FGF13: variants seen among roughly 807,000 people sequenced by gnomAD.
FGF13 encodes the protein fibroblast growth factor 13.
FGF13 carries 2 observed loss-of-function variants against 19.5 expected under a neutral mutation model. That is an observed-to-expected ratio of 0.10 (90% CI 0.04 to 0.32). FGF13 has a LOEUF of 0.32. FGF13 is among the 10% of genes least tolerant of loss of function. The pLI is 1.00. For missense variants in FGF13, 113 were observed against 192.7 expected (o/e 0.59, Z 2.45); for synonymous variants, 72 against 76.9 (o/e 0.94, Z 0.33).
chrX:138,999,852 C>T lies in FGF13; in HGVS notation c.-112-135202G>A, dbSNP rs192507278. Among the ~76,000 whole-genome samples the T allele has an allele frequency of 9.4e-3, 1,054 of 111,877 alleles. 4 individuals carry two copies. The highest frequency in any genetic ancestry group is 0.014 in the Middle Eastern group (3 of 216). ...CTCATTTTATGAGGCCAGCATGATCCTGATAACAAAACCTGGCAGAGACAC... is the reference window on the plus strand; with the variant it reads ...CTCATTTTATGAGGCCAGCATGATCTTGATAACAAAACCTGGCAGAGACAC... On this transcript the variant is annotated intron_variant, in intron 1 of 2. Transcript: ENST00000421460.
chrX:138,769,798 T>C (rs1301528725), intron 3 of FGF13, among the ~76,000 whole-genome samples: 1 of 112,518 alleles, frequency 8.9e-6, no homozygotes, highest in Admixed American at 9.4e-5. Flanking sequence ...CCACCTTGTG[T>C]CCGGCCTCTC....
chrX:139,176,873 G>A (rs1417124554), intron 1 of FGF13, among the ~76,000 whole-genome samples: 1 of 111,659 alleles, frequency 9.0e-6, no homozygotes, highest in East Asian at 2.8e-4. Flanking sequence ...TTGCTTTGAA[G>A]AATATATCTT....
chrX:139,080,005 CAT>C (rs764858827), intron 1 of FGF13, among the ~76,000 whole-genome samples: 17 of 109,821 alleles, frequency 1.5e-4, no homozygotes, highest in African/African-American at 5.3e-4. Context: ...TCATCATCAT[CAT>C]CATCATCAAA....
Position 138,953,897 on chromosome X carries a change from T to A in FGF13, c.-112-89247A>T, listed in dbSNP as rs575079315. Among the ~76,000 whole-genome samples, 35 of 109,329 alleles carry A rather than the reference T, an allele frequency of 3.2e-4. 2 individuals are homozygous for A. The South Asian group carries it at 0.011, about 33-fold the overall frequency. 94.9% of individuals were successfully genotyped at this position (109,329 alleles called of 115,157 possible). A position where few individuals can be genotyped will look rare whatever the true frequency, so the allele number is the denominator to read the frequency against. ...TAACCAACATGTGGTAAAAAAAAAATAAATAAACATAGAAAAGCCTTTGTC... is the reference window on the plus strand; with the variant it reads ...TAACCAACATGTGGTAAAAAAAAAAAAAATAAACATAGAAAAGCCTTTGTC... On this transcript the variant is annotated intron_variant, in intron 1 of 2. Transcript: ENST00000421460.
intron 1 of FGF13, among the ~76,000 whole-genome samples, chrX:138,994,783 TTA>T (rs2092034000): frequency 9.0e-6 from 1 of 111,032 alleles, no homozygotes; most frequent in African/African-American, 3.3e-5. Context: ...AATATTATTC[TTA>T]TAAACAATGT....
intron 1 of FGF13, among the ~76,000 whole-genome samples, chrX:139,083,889 A>T (rs1046067114): frequency 9.1e-6 from 1 of 110,340 alleles, no homozygotes; most frequent in African/African-American, 3.3e-5. Flanking sequence ...AATAAATAAA[A>T]AAGAAAGAAA....
chrX:139,079,340 G>A (rs1247631459), intron 1 of FGF13, among the ~76,000 whole-genome samples: 2 of 111,002 alleles, frequency 1.8e-5, no homozygotes, highest in Non-Finnish European at 3.8e-5. Context: ...GGCAAGAGAC[G>A]GGATCACAAT....
At chrX:139,157,822 G>A (rs2083990382) in intron 1 of FGF13, among the ~76,000 whole-genome samples, 1 of 112,579 alleles carries the variant, frequency 8.9e-6, no homozygotes, top group Non-Finnish European at 1.9e-5. Flanking sequence ...TGTCGGGGTG[G>A]CCGAATAGGA....
chrX:139,077,168 A>T (rs988662167), intron 1 of FGF13, among the ~76,000 whole-genome samples: 1 of 111,575 alleles, frequency 9.0e-6, no homozygotes, highest in African/African-American at 3.3e-5. Flanking sequence ...TTCAGTATTG[A>T]TGTCACTGCT....
At chrX:138,694,617 A>AT (rs775254347) in intron 3 of FGF13, among the ~76,000 whole-genome samples, 75 of 103,470 alleles carry the variant, frequency 7.2e-4, no homozygotes, top group East Asian at 9.1e-4. Context: ...AGCCCGGCTA[A>AT]TTTTTTTTTT....
At chrX:138,698,413 T>G (rs2089916371) in intron 3 of FGF13, among the ~76,000 whole-genome samples, 2 of 111,759 alleles carry the variant, frequency 1.8e-5, no homozygotes, top group Non-Finnish European at 3.8e-5. Flanking sequence ...ATCAGCATTT[T>G]CCATCATCTC....
chrX:138,926,171 G>A (rs780949459), intron 1 of FGF13, among the ~76,000 whole-genome samples: 82 of 111,979 alleles, frequency 7.3e-4, no homozygotes, highest in Non-Finnish European at 7.3e-4. Context: ...CAGCAGGTGA[G>A]GGGAGTTCTC....
At chrX:139,128,351 C>G (rs1238217674) in intron 1 of FGF13, among the ~76,000 whole-genome samples, 2 of 111,859 alleles carry the variant, frequency 1.8e-5, no homozygotes, top group African/African-American at 6.5e-5. Flanking sequence ...TCGGCAGTAA[C>G]TACGACACCA....
At chrX:139,069,504 C>T (rs1274803764) in intron 1 of FGF13, among the ~76,000 whole-genome samples, 5 of 94,282 alleles carry the variant, frequency 5.3e-5, no homozygotes, top group African/African-American at 2.0e-4. Flanking sequence ...GGGAGATATA[C>T]CTAATGCTAG....
chrX:138,717,781 T>A (rs1414034983), intron 1 of FGF13, among the ~76,000 whole-genome samples: 3 of 110,580 alleles, frequency 2.7e-5, no homozygotes, highest in African/African-American at 9.9e-5. Context: ...ATTTAACTAT[T>A]TTTTTTTTCT....
intron 3 of FGF13, among the ~76,000 whole-genome samples, chrX:138,700,028 T>A (rs1280075925): frequency 9.0e-6 from 1 of 110,688 alleles, no homozygotes; most frequent in African/African-American, 3.3e-5. Flanking sequence ...TTTTTTTAAT[T>A]CTTACCTGAA....
intron 3 of FGF13, among the ~76,000 whole-genome samples, chrX:138,816,762 C>A (rs2090964459): frequency 8.9e-6 from 1 of 111,843 alleles, no homozygotes; most frequent in African/African-American, 3.2e-5. Context: ...ACCTTTTTTG[C>A]AATTTTTTTA....
chrX:138,749,332 C>T (rs1206705313), intron 3 of FGF13, among the ~76,000 whole-genome samples: 1 of 99,417 alleles, frequency 1.0e-5, no homozygotes, highest in Non-Finnish European at 2.1e-5. Context: ...TACACACACA[C>T]ACACACACAC....
At chrX:139,087,183 C>T (rs1197777672) in intron 1 of FGF13, among the ~76,000 whole-genome samples, 1 of 110,991 alleles carries the variant, frequency 9.0e-6, no homozygotes, top group Non-Finnish European at 1.9e-5. Context: ...GTAATCCCAG[C>T]TACTTGGGAA....
Sources: allele counts gnomAD v4.1 joint callset (sites outside exome capture counted in the v4.1 genomes callset), GRCh38; gene constraint gnomAD v4.1.1; transcripts MANE v1.5; gene names NCBI Gene and HGNC (gene_info 2026-07-23, HGNC 2026-07-21).